Variants in GABPB2 observed in about 807,000 individuals in gnomAD.
GABPB2 encodes the protein GA-binding protein subunit beta-2.
Under a neutral mutation model 39.1 loss-of-function variants are expected in GABPB2, and 23 were observed. The ratio of observed to expected loss-of-function variants is 0.59; its 90% confidence interval spans 0.42 to 0.83. GABPB2 has a LOEUF of 0.83. Among genes scored for constraint, GABPB2 ranks in the 40% least tolerant of loss-of-function variants. The pLI, the probability that GABPB2 is intolerant of heterozygous loss-of-function variation, is 0.00. For synonymous variants in GABPB2, 184 were observed against 199.3 expected (o/e 0.92, Z 0.65); for missense variants, 467 against 541.1 (o/e 0.86, Z 1.36).
chr1:151,107,999 T>C (rs1680105673), intron 7 of GABPB2, among the ~76,000 whole-genome samples: 1 of 151,992 alleles, frequency 6.6e-6, no homozygotes, highest in African/African-American at 2.4e-5. Flanking sequence ...TAACGAGAAG[T>C]GCAAATACTG....
rs201760813 is a variant in GABPB2, at chr1:151,103,637, A to G, written c.698A>G (p.Glu233Gly). ...CTGGCTACCCTTGCAGCTCTTGCTG[A>G]GGCATCAGTCCCCCTCTCCAACTCA... ...SVLATLAALAEASVPLSNSHR... is the reference protein window; with the variant it reads ...SVLATLAALAGASVPLSNSHR... Residue 233 changes from glutamate (E) to glycine (G), a missense_variant, in exon 6 of 9, where the codon GAG (glutamate) becomes GGG (glycine). Glu to Gly is a moderately conservative substitution (Grantham distance 98, BLOSUM62 -2). Coordinates refer to ENST00000368918, the MANE Select transcript of GABPB2 (RefSeq NM_144618.3). 1 of 1,614,110 alleles carries G rather than the reference A, an allele frequency of 6.2e-7. No homozygotes were observed. The highest frequency in any genetic ancestry group is 8.5e-7 in the Non-Finnish European group (1 of 1,179,968).
At position 151,090,386 on chromosome 1, in the gene GABPB2, T is replaced by C; in HGVS notation, c.109-20T>C. The C allele has an allele frequency of 2.5e-6, 4 of 1,611,698 alleles. No individual in the cohort carries two copies. In the South Asian group the frequency reaches 4.4e-5, roughly 18 times the overall value. ...GACTCTGCACACAGTGGATATTCAA[T>C]GAGCATTATTTTTCCACAGCTTGGA... On this transcript the variant is annotated intron_variant, in intron 2 of 8. Coordinates refer to ENST00000368918, the MANE Select transcript of GABPB2 (RefSeq NM_144618.3).
intron 1 of GABPB2, among the ~76,000 whole-genome samples, chr1:151,084,485 C>G (rs1269591898): frequency 2.0e-5 from 3 of 150,286 alleles, no homozygotes; most frequent in African/African-American, 7.4e-5. Flanking sequence ...CTTGACCTCC[C>G]AAAGTGCTGG....
chr1:151,079,369 C>T (rs1677454957), intron 1 of GABPB2, among the ~76,000 whole-genome samples: 1 of 151,478 alleles, frequency 6.6e-6, no homozygotes, highest in South Asian at 2.1e-4. Flanking sequence ...TGGTGAAACA[C>T]TGCCTCTACT....
In GABPB2 at chr1:151,124,375, C is replaced by T. The variant is rs1209696289; in HGVS notation, c.*6119C>T. 1.3e-5 allele frequency: 2 copies of T among 151,236 alleles called. No homozygotes were observed. Among genetic ancestry groups the T allele is most frequent in the Non-Finnish European group, 2.9e-5 (2 of 67,898 alleles). 9.4% of individuals were successfully genotyped at this position (151,236 alleles called of 1,614,324 possible). ...TATTGGCCAGGCTGGTCTCGAACTC[C>T]TGACCTCGTGATCCACCCTCCTTGG... On this transcript the variant is annotated 3_prime_UTR_variant, in exon 9 of 9. Coordinates refer to ENST00000368918, the MANE Select transcript of GABPB2 (RefSeq NM_144618.3).
intron 6 of GABPB2, among the ~76,000 whole-genome samples, chr1:151,104,638 T>G (rs1237684595): frequency 6.6e-6 from 1 of 152,166 alleles, no homozygotes; most frequent in East Asian, 1.9e-4. Context: ...CCTTTCAGCT[T>G]TAATATTTAA....
chr1:151,089,682 G>T (rs1466171313), intron 2 of GABPB2, among the ~76,000 whole-genome samples: 1 of 151,840 alleles, frequency 6.6e-6, no homozygotes, highest in Non-Finnish European at 1.5e-5. Context: ...ATGAGATAAG[G>T]TCTCTCTGTG....
At chr1:151,106,022 C>T (rs1377039424) in intron 6 of GABPB2, among the ~76,000 whole-genome samples, 7 of 150,908 alleles carry the variant, frequency 4.6e-5, no homozygotes, top group African/African-American at 1.2e-4. Context: ...AGTGCAATGG[C>T]GTGATCTTTG....
intron 1 of GABPB2, among the ~76,000 whole-genome samples, chr1:151,072,688 A>G (rs936126402): frequency 5.3e-5 from 8 of 152,176 alleles, no homozygotes; most frequent in Admixed American, 3.3e-4. Context: ...TCTACTAAAA[A>G]TACAAAAAAT....
At chr1:151,084,031 G>T (rs944968006) in intron 1 of GABPB2, among the ~76,000 whole-genome samples, 1 of 150,456 alleles carries the variant, frequency 6.6e-6, no homozygotes, top group Non-Finnish European at 1.5e-5. Flanking sequence ...GAGCCACCGT[G>T]CCCATCCTTT....
At position 151,107,031 on chromosome 1, in the gene GABPB2, C is replaced by G. The variant is rs879122133; in HGVS notation, c.737-6C>G. On this transcript the variant is annotated splice_region_variant and splice_polypyrimidine_tract_variant and intron_variant, in intron 6 of 8. Coordinates refer to ENST00000368918, the MANE Select transcript of GABPB2 (RefSeq NM_144618.3). Reference sequence around the variant, plus strand: ...GAAATTTTAAATTTGCTTTTGTCATCTCTAGCCAATACAGAGGAAATTATA... The same window carrying G: ...GAAATTTTAAATTTGCTTTTGTCATGTCTAGCCAATACAGAGGAAATTATA... 3.8e-6 allele frequency: 6 copies of G among 1,580,702 alleles called. No individual in the cohort carries two copies. The highest frequency in any genetic ancestry group is 1.7e-4 in the Middle Eastern group (1 of 5,918).
intron 2 of GABPB2, among the ~76,000 whole-genome samples, chr1:151,088,923 T>G (rs1007877355): frequency 6.6e-6 from 1 of 151,888 alleles, no homozygotes; most frequent in African/African-American, 2.4e-5. Context: ...TCGCGTGAAC[T>G]CGGGAGGTGG....
Position 151,118,040 on chromosome 1 carries a change from G to C in GABPB2, c.1131G>C (p.Lys377Asn). ...RAQEYRHQLLKKEQEAEQYRL... is the reference protein window; with the variant it reads ...RAQEYRHQLLNKEQEAEQYRL... ...AGGAATACCGACACCAGCTCCTAAA[G>C]AAAGAGCAGGAAGCAGAACAGTACC... The change falls in exon 9 of 9, where the codon AAG (lysine) becomes AAC (asparagine). Residue 377 changes from lysine to asparagine, a missense_variant. Physicochemically the swap from Lys to Asn is moderately conservative, Grantham distance 94 (BLOSUM62 0). Coordinates refer to ENST00000368918, the MANE Select transcript of GABPB2 (RefSeq NM_144618.3). 1 of 1,614,156 alleles carries C rather than the reference G, an allele frequency of 6.2e-7. No homozygotes were observed. The highest frequency in any genetic ancestry group is 1.1e-5 in the South Asian group (1 of 91,078).
At chr1:151,079,289 C>G (rs868498511) in intron 1 of GABPB2, among the ~76,000 whole-genome samples, 3 of 151,982 alleles carry the variant, frequency 2.0e-5, no homozygotes, top group Non-Finnish European at 4.4e-5. Context: ...GCCTGTAATC[C>G]CAGCACTTTG....
chr1:151,107,892 G>C (rs1380660977), intron 7 of GABPB2, among the ~76,000 whole-genome samples: 1 of 151,738 alleles, frequency 6.6e-6, no homozygotes, highest in African/African-American at 2.4e-5. Flanking sequence ...CCGTGATTGT[G>C]CTACTGCACA....
chr1:151,099,229 G>A (rs1023947082), intron 5 of GABPB2, among the ~76,000 whole-genome samples: 1 of 149,878 alleles, frequency 6.7e-6, no homozygotes, highest in African/African-American at 2.5e-5. Flanking sequence ...GCGGAGTCTC[G>A]CTGTGTTTCC....
In GABPB2 at chr1:151,118,011, G is replaced by A. The variant is rs1681012602; in HGVS notation, c.1102G>A (p.Ala368Thr). ...QQQLQEANRR[A>T]QEYRHQLLKK... ...ACAACTCCAGGAGGCCAATCGAAGA[G>A]CCCAGGAATACCGACACCAGCTCCT... Residue 368 changes from alanine (A) to threonine (T), a missense_variant, in exon 9 of 9, where the codon GCC becomes ACC. Physicochemically the swap from Ala to Thr is moderately conservative, Grantham distance 58 (BLOSUM62 0). Coordinates refer to ENST00000368918, the MANE Select transcript of GABPB2 (RefSeq NM_144618.3). The A allele has an allele frequency of 6.2e-7, 1 of 1,614,172 alleles. No individual in the cohort carries two copies. The highest frequency in any genetic ancestry group is 1.3e-5 in the African/African-American group (1 of 75,056).
rs1681336126 is a variant in GABPB2 at position 151,125,378 on chromosome 1, A to C, written c.*7122A>C. 6.6e-6 allele frequency: 1 copy of C among 152,150 alleles called. No homozygotes were observed. The highest frequency in any genetic ancestry group is 2.4e-5 in the African/African-American group (1 of 41,428). 9.4% of individuals were successfully genotyped at this position (152,150 alleles called of 1,614,324 possible). ...GTACAGCGTATTTTTAGAAAAACTT[A>C]AATATACTTCTTTATTTAGGGTTTT... On this transcript the variant is annotated 3_prime_UTR_variant, in exon 9 of 9. Coordinates refer to ENST00000368918, the MANE Select transcript of GABPB2 (RefSeq NM_144618.3).
Position 151,087,719 on chromosome 1 carries a change from A to G in GABPB2, c.1-471A>G, listed in dbSNP as rs117508075. 5.0e-4 allele frequency among the ~76,000 whole-genome samples: 76 copies of G among 152,264 alleles called. 1 individual carries two copies. In the East Asian group the frequency reaches 0.014, roughly 28 times the overall value. ...GTTTCATTGTGCTATCCAAAGACCT[A>G]CAAACCTCCAGAGAGAGCAGTTAGT... On this transcript the variant is annotated intron_variant, in intron 1 of 8. Coordinates refer to ENST00000368918, the MANE Select transcript of GABPB2 (RefSeq NM_144618.3).
Sources: gnomAD v4.1 joint callset for allele counts (sites outside exome capture counted in the v4.1 genomes callset) on GRCh38, gnomAD v4.1.1 for gene constraint, MANE v1.5 for transcripts, NCBI Gene and HGNC (gene_info 2026-07-23, HGNC 2026-07-21) for gene names.